The following RPH3A variants were observed in gnomAD, a reference collection of about 807,000 sequenced individuals.
RPH3A encodes the protein rabphilin-3A.
RPH3A carries 48 observed loss-of-function variants against 102.2 expected under a neutral mutation model. That is an observed-to-expected ratio of 0.47 (90% CI 0.37 to 0.60). RPH3A has a LOEUF of 0.60. Among genes scored for constraint, RPH3A ranks in the 20% least tolerant of loss-of-function variants. The pLI, the probability that RPH3A is intolerant of heterozygous loss-of-function variation, is 0.00. For missense variants in RPH3A, 781 were observed against 910.1 expected (o/e 0.86, Z 1.83); for synonymous variants, 310 against 324.3 (o/e 0.96, Z 0.47).
intron 1 of RPH3A, among the ~76,000 whole-genome samples, chr12:112,685,567 G>C (rs2040257457): frequency 6.6e-6 from 1 of 152,140 alleles, no homozygotes; most frequent in Non-Finnish European, 1.5e-5. Context: ...GTCACTACCT[G>C]GTTCGCTGCC....
intron 1 of RPH3A, among the ~76,000 whole-genome samples, chr12:112,631,678 G>T (rs542018672): frequency 6.6e-6 from 1 of 151,384 alleles, no homozygotes; most frequent in Admixed American, 6.6e-5. Context: ...ATATGCCACC[G>T]CACCTGCTAA....
At chr12:112,676,794 A>G (rs576725613) in intron 1 of RPH3A, among the ~76,000 whole-genome samples, 21 of 152,356 alleles carry the variant, frequency 1.4e-4, no homozygotes, top group African/African-American at 4.1e-4. Flanking sequence ...CTCTGTGCAT[A>G]TGCAGAGAGA....
At chr12:112,602,286 A>G (rs1410379395) in intron 1 of RPH3A, among the ~76,000 whole-genome samples, 1 of 152,164 alleles carries the variant, frequency 6.6e-6, no homozygotes, top group African/African-American at 2.4e-5. Context: ...CCTTTCTAAC[A>G]AAGCCCTCTG....
At chr12:112,782,083 G>T (rs1465372778) in intron 1 of RPH3A, among the ~76,000 whole-genome samples, 1 of 152,266 alleles carries the variant, frequency 6.6e-6, no homozygotes, top group Admixed American at 6.5e-5. Context: ...ATTGGGAGCA[G>T]TTCGGGATGG....
rs41473045 is a variant in RPH3A, at chr12:112,637,284, T to C, written c.-140+61965T>C. Among the ~76,000 whole-genome samples, 621 of 152,300 alleles carry C rather than the reference T, an allele frequency of 4.1e-3. 16 individuals carry two copies. Among genetic ancestry groups the C allele is most frequent in the Admixed American group, 0.027 (420 of 15,302 alleles). On this transcript the variant is annotated intron_variant, in intron 1 of 21. Transcript: ENST00000543106. ...CTCATTTAAATATATACTTTATGCT[T>C]TTCCTATGGGCAATGCCAAACATGT...
At chr12:112,804,997 G>C (rs1223461582) in intron 2 of RPH3A, among the ~76,000 whole-genome samples, 1 of 152,048 alleles carries the variant, frequency 6.6e-6, no homozygotes, top group Non-Finnish European at 1.5e-5. Context: ...GCATTTATAG[G>C]TGGGCAAAAT....
At chr12:112,778,503 T>G (rs1459318775) in intron 1 of RPH3A, among the ~76,000 whole-genome samples, 1 of 152,234 alleles carries the variant, frequency 6.6e-6, no homozygotes, top group Non-Finnish European at 1.5e-5. Context: ...GAATTTAATT[T>G]TTTTTAGTTG....
intron 5 of RPH3A, among the ~76,000 whole-genome samples, chr12:112,863,764 C>A (rs2042561947): frequency 3.9e-5 from 6 of 152,228 alleles, no homozygotes; most frequent in Admixed American, 3.9e-4. Context: ...CACTTCATGC[C>A]ATGCTAAGCA....
At chr12:112,868,085 A>G in intron 7 of RPH3A, 1 of 218,222 alleles carries the variant, frequency 4.6e-6, no homozygotes. Flanking sequence ...AGTGTAGTGG[A>G]GAGCATGCCA....
chr12:112,649,458 C>T, intron 1 of RPH3A: 1 of 152,176 alleles, frequency 6.6e-6, no homozygotes, highest in East Asian at 1.9e-4. Context: ...AGGCCTGAGA[C>T]CTGAGGTAAG....
intron 1 of RPH3A, among the ~76,000 whole-genome samples, chr12:112,601,827 G>C (rs543984213): frequency 1.3e-5 from 2 of 152,166 alleles, no homozygotes; most frequent in Non-Finnish European, 2.9e-5. Context: ...TGTGGTCCCA[G>C]CTTCTTGGGA....
At chr12:112,829,354 T>C (rs2041931485) in intron 3 of RPH3A, among the ~76,000 whole-genome samples, 1 of 150,626 alleles carries the variant, frequency 6.6e-6, no homozygotes. Flanking sequence ...ACTCATTGCC[T>C]TGACCTCCTG....
Position 112,869,981 on chromosome 12 carries a change from A to C in RPH3A, c.738A>C (p.Arg246=). The C allele has an allele frequency of 6.2e-7, 1 of 1,614,114 alleles. No individual in the cohort carries two copies. The highest frequency in any genetic ancestry group is 1.3e-5 in the African/African-American group (1 of 75,018). ...AGGCACGAATGAGCTCATCTAGCCGAGATTCAGAGAGCTGGGACCACAGTG... is the reference window on the plus strand; with the variant it reads ...AGGCACGAATGAGCTCATCTAGCCGCGATTCAGAGAGCTGGGACCACAGTG... The part of the protein sequence containing the change: ...ASEARMSSSS[R]DSESWDHSGG... Residue 246 remains arginine, a synonymous_variant, in exon 10 of 22, where the codon CGA becomes CGC. Transcript: ENST00000389385.
intron 1 of RPH3A, among the ~76,000 whole-genome samples, chr12:112,636,403 T>C (rs1426464266): frequency 1.3e-5 from 2 of 152,238 alleles, no homozygotes; most frequent in Non-Finnish European, 2.9e-5. Context: ...AAACATTTTA[T>C]ATAGAACAGT....
intron 1 of RPH3A, among the ~76,000 whole-genome samples, chr12:112,596,992 T>C (rs1490029577): frequency 6.6e-6 from 1 of 152,242 alleles, no homozygotes; most frequent in Admixed American, 6.5e-5. Context: ...GGCATTGCAT[T>C]TTACATTTCC....
At chr12:112,659,141 T>C (rs2040033274) in intron 1 of RPH3A, among the ~76,000 whole-genome samples, 2 of 152,136 alleles carry the variant, frequency 1.3e-5, no homozygotes, top group Admixed American at 6.5e-5. Context: ...AGAAATACTT[T>C]AGTGTTTATG....
chr12:112,799,951 C>G (rs1328428533), intron 2 of RPH3A, among the ~76,000 whole-genome samples: 1 of 152,178 alleles, frequency 6.6e-6, no homozygotes, highest in Non-Finnish European at 1.5e-5. Context: ...GTGAGAACCC[C>G]TGCTCTAGAC....
intron 1 of RPH3A, among the ~76,000 whole-genome samples, chr12:112,581,323 C>G (rs1215522626): frequency 6.6e-6 from 1 of 152,148 alleles, no homozygotes; most frequent in Non-Finnish European, 1.5e-5. Flanking sequence ...ATAAAACCAT[C>G]AGACCTCGTG....
At chr12:112,591,169 G>A (rs528046828) in intron 1 of RPH3A, among the ~76,000 whole-genome samples, 19 of 150,236 alleles carry the variant, frequency 1.3e-4, no homozygotes, top group Non-Finnish European at 2.2e-4. Flanking sequence ...CCAGGCTGGC[G>A]TCAAACTCCT....
Sources: allele counts gnomAD v4.1 joint callset (sites outside exome capture counted in the v4.1 genomes callset), GRCh38; gene constraint gnomAD v4.1.1; transcripts MANE v1.5; gene names NCBI Gene and HGNC (gene_info 2026-07-23, HGNC 2026-07-21).